The following DHRS7B variants were observed in gnomAD, a reference collection of about 807,000 sequenced individuals.
DHRS7B encodes dehydrogenase/reductase 7B, also known as peroxisomal reductase activating PPAR-gamma.
A neutral mutation model predicts 26.4 loss-of-function variants in DHRS7B; 24 were observed. The ratio of observed to expected loss-of-function variants is 0.91; its 90% CI spans 0.66 to 1.28. The LOEUF is 1.28. DHRS7B is among the 50% of genes most tolerant of loss of function. The pLI, the probability that DHRS7B is intolerant of heterozygous loss-of-function variation, is 0.00. For synonymous variants in DHRS7B, 142 were observed against 166.4 expected, an observed-to-expected ratio of 0.85 and a Z score of 1.13; for missense variants, 368 against 419.4, an observed-to-expected ratio of 0.88 and a Z score of 1.07.
At chr17:21,129,268 C>A (rs1973174340) in intron 1 of DHRS7B, among the ~76,000 whole-genome samples, 1 of 152,078 alleles carries the variant, frequency 6.6e-6, no homozygotes, top group African/African-American at 2.4e-5. Flanking sequence ...TGAGGAGAGA[C>A]AGGGAAGGCT....
chr17:21,183,889 A>ACGTTCC, intron 4 of DHRS7B, 79 bp downstream of exon 4: 1 of 1,257,838 alleles, frequency 8.0e-7, no homozygotes. Context: ...TTTCAGCTAA[A>ACGTTCC]CGTTCCCCAT....
chr17:21,172,695 G>C (rs1474337919), intron 2 of DHRS7B, among the ~76,000 whole-genome samples: 1 of 152,162 alleles, frequency 6.6e-6, no homozygotes, highest in Non-Finnish European at 1.5e-5. Flanking sequence ...GCCCCCAGCT[G>C]TCCCCTCAGC....
At chr17:21,173,310 ACTTCTCACAG>A (rs1266985342) in intron 2 of DHRS7B, among the ~76,000 whole-genome samples, 1 of 152,228 alleles carries the variant, frequency 6.6e-6, no homozygotes, top group Non-Finnish European at 1.5e-5. Flanking sequence ...GATCTCACTG[ACTTCTCACAG>A]CTAAGATTCA....
intron 1 of DHRS7B, among the ~76,000 whole-genome samples, chr17:21,169,050 G>A (rs899333): frequency 0.44 from 66,371 of 152,048 alleles, 15,355 homozygotes; most frequent in Non-Finnish European, 0.52. Context: ...TGGGTGTGAA[G>A]ACGGGGTTGA....
intron 2 of DHRS7B, chr17:21,172,454 G>T: frequency 2.2e-6 from 1 of 459,238 alleles, no homozygotes; most frequent in Non-Finnish European, 4.0e-6. Context: ...GGTGGGGTGG[G>T]GTGGGATGGG....
chr17:21,138,083 T>TACACACACAC (rs1973393719), intron 1 of DHRS7B, among the ~76,000 whole-genome samples: 1 of 96,956 alleles, frequency 1.0e-5, no homozygotes, highest in African/African-American at 5.0e-5. Context: ...AAAATATATA[T>TACACACACAC]ATATATATAT....
Position 21,172,157 on chromosome 17 carries a change from G to GTGGTGCGGAA in DHRS7B, c.165_166insCGGAATGGTG (p.Val56ArgfsTer26). ...CGGGAAGGCCTACCTGCGGAATGCT[G>GTGGTGCGGAA]TGGTGGTGATCACAGGCGCCACCTC... On this transcript the variant is annotated frameshift_variant, in exon 2 of 7. Transcript: ENST00000395511. LOFTEE classifies it high-confidence loss of function. The GTGGTGCGGAA allele has an allele frequency of 6.2e-7, 1 of 1,613,838 alleles. No homozygotes were observed. The highest frequency in any genetic ancestry group is 1.7e-5 in the Admixed American group (1 of 60,004).
intron 3 of DHRS7B, among the ~76,000 whole-genome samples, chr17:21,180,498 T>G (rs544475458): frequency 5.4e-4 from 83 of 152,324 alleles, no homozygotes; most frequent in African/African-American, 1.8e-3. Context: ...CCCAGCACCA[T>G]TTGTTGAAGA....
chr17:21,138,087 T>C (rs1371571870), intron 1 of DHRS7B, among the ~76,000 whole-genome samples: 34 of 62,936 alleles, frequency 5.4e-4, no homozygotes, highest in African/African-American at 2.1e-3. Flanking sequence ...TATATATATA[T>C]ATATATATAT....
intron 1 of DHRS7B, among the ~76,000 whole-genome samples, chr17:21,164,010 A>C (rs1451468439): frequency 7.6e-6 from 1 of 131,182 alleles, no homozygotes; most frequent in African/African-American, 3.3e-5. Context: ...TCTTGAGTGC[A>C]GATATTGTCA....
At chr17:21,127,629 C>T (rs1337262119) in intron 1 of DHRS7B, 1 of 152,450 alleles carries the variant, frequency 6.6e-6, no homozygotes, top group Non-Finnish European at 1.5e-5. Flanking sequence ...AACAAGCCCA[C>T]TCATAAGGTT....
At chr17:21,141,640 A>ACAAAAAAAAG (rs1973516887) in intron 1 of DHRS7B, among the ~76,000 whole-genome samples, 1 of 90,078 alleles carries the variant, frequency 1.1e-5, no homozygotes. Context: ...AAAAAAAAAA[A>ACAAAAAAAAG]CAACCTCATC....
intron 3 of DHRS7B, 21 bp from the exon 4 acceptor site, chr17:21,183,573 G>T (rs1974560315): frequency 6.8e-6 from 11 of 1,610,598 alleles, no homozygotes; most frequent in Non-Finnish European, 9.3e-6. Flanking sequence ...AAGTGAATTT[G>T]TATCTGTTGT....
intron 1 of DHRS7B, among the ~76,000 whole-genome samples, chr17:21,138,996 C>T (rs553565902): frequency 6.6e-6 from 1 of 152,266 alleles, no homozygotes; most frequent in South Asian, 2.1e-4. Flanking sequence ...ACCACCATTG[C>T]AAAATTGTAA....
chr17:21,157,548 G>T (rs186118796), intron 1 of DHRS7B, among the ~76,000 whole-genome samples: 69 of 152,222 alleles, frequency 4.5e-4, no homozygotes, highest in Non-Finnish European at 8.4e-4. Context: ...AATAAAATCA[G>T]CCAGGTGTGG....
chr17:21,152,378 C>A (rs2144004600), intron 1 of DHRS7B, among the ~76,000 whole-genome samples: 1 of 152,306 alleles, frequency 6.6e-6, no homozygotes, highest in African/African-American at 2.4e-5. Flanking sequence ...TAGTGTCGAA[C>A]TCCTGGACTC....
Position 21,172,173 on chromosome 17 carries a change from G to A in DHRS7B, c.176G>A (p.Gly59Asp). 7.4e-6 allele frequency: 12 copies of A among 1,613,302 alleles called. No individual in the cohort carries two copies. The highest frequency in any genetic ancestry group is 1.0e-5 in the Non-Finnish European group (12 of 1,179,658). The change falls in exon 2 of 7, where the codon GGC becomes GAC. Residue 59 changes from glycine to aspartate, a missense_variant. By Grantham distance (94) the Gly-to-Asp change is moderately conservative. Transcript: ENST00000395511. ...YLRNAVVVIT[G>D]ATSGLGKECA... Reference sequence around the variant, plus strand: ...CGGAATGCTGTGGTGGTGATCACAGGCGCCACCTCAGGGCTGGGCAAAGGT... The same window carrying A: ...CGGAATGCTGTGGTGGTGATCACAGACGCCACCTCAGGGCTGGGCAAAGGT...
chr17:21,190,768 C>T (rs903194143), intron 6 of DHRS7B, among the ~76,000 whole-genome samples, 180 bp from the exon 7 acceptor site: 2 of 152,236 alleles, frequency 1.3e-5, no homozygotes, highest in African/African-American at 2.4e-5. Flanking sequence ...AAAATGGTTC[C>T]CTCTTTCCTT....
intron 1 of DHRS7B, among the ~76,000 whole-genome samples, chr17:21,165,340 AC>A (rs1444799966): frequency 6.7e-6 from 1 of 149,276 alleles, no homozygotes; most frequent in African/African-American, 2.5e-5. Context: ...CACTATATTC[AC>A]TTTTTTTTTC....
Sources: gnomAD v4.1 joint callset for allele counts (sites outside exome capture counted in the v4.1 genomes callset) on GRCh38, gnomAD v4.1.1 for gene constraint, MANE v1.5 for transcripts, NCBI Gene and HGNC (gene_info 2026-07-23, HGNC 2026-07-21) for gene names.